The following BRF1 variants were observed in gnomAD, a reference collection of about 807,000 sequenced individuals.
BRF1 encodes BRF1 general transcription factor IIIB subunit.
In BRF1, 59 loss-of-function variants were observed where a neutral mutation model predicts 81.7. The ratio of observed to expected loss-of-function variants is 0.72; its 90% CI spans 0.59 to 0.90. The LOEUF is 0.90. BRF1 is among the 40% of genes least tolerant of loss of function. BRF1 has a pLI of 0.00. For missense variants in BRF1, 1,050 were observed against 936.3 expected (o/e 1.12, Z -1.58); for synonymous variants, 491 against 395.6 (o/e 1.24, Z -2.86).
intron 1 of BRF1, among the ~76,000 whole-genome samples, chr14:105,290,488 T>C (rs934279376): frequency 3.3e-5 from 5 of 152,156 alleles, no homozygotes; most frequent in African/African-American, 1.2e-4. Context: ...ACAGCCTCCA[T>C]TATAGCCACG....
chr14:105,249,292 C>A, intron 5 of BRF1: 1 of 1,571,640 alleles, frequency 6.4e-7, no homozygotes. Flanking sequence ...CCGTCCGCCC[C>A]GTCCGCCGTG....
At chr14:105,219,307 C>T (rs768267636) in intron 12 of BRF1, 75 bp from the exon 13 acceptor site, 19 of 1,588,260 alleles carry the variant, frequency 1.2e-5, no homozygotes, top group Non-Finnish European at 1.4e-5. Flanking sequence ...CGCTGGCCAG[C>T]GGGAAGTATT....
intron 5 of BRF1, 74 bp downstream of exon 5, chr14:105,252,432 TG>T: frequency 1.3e-6 from 2 of 1,552,566 alleles, no homozygotes; most frequent in South Asian, 2.4e-5. Context: ...TTCCCTCCAC[TG>T]TTCAAAGGAC....
intron 1 of BRF1, among the ~76,000 whole-genome samples, chr14:105,307,901 A>G (rs2058236084): frequency 6.6e-6 from 1 of 152,338 alleles, no homozygotes; most frequent in South Asian, 2.1e-4. Context: ...GTCAAGGGCC[A>G]GGCCAGGACA....
chr14:105,246,019 C>T (rs1194275529), intron 5 of BRF1, among the ~76,000 whole-genome samples: 1 of 152,138 alleles, frequency 6.6e-6, no homozygotes, highest in African/African-American at 2.4e-5. Context: ...AACCATCTAT[C>T]TCATAAGGGG....
intron 1 of BRF1, among the ~76,000 whole-genome samples, chr14:105,299,858 C>T (rs191417628): frequency 2.7e-4 from 41 of 152,366 alleles, no homozygotes; most frequent in Non-Finnish European, 4.9e-4. Flanking sequence ...CAGCTAAGTT[C>T]CCCAGAGAAA....
intron 3 of BRF1, 32 bp downstream of exon 3, chr14:105,272,689 G>A: frequency 6.4e-7 from 1 of 1,562,608 alleles, no homozygotes; most frequent in African/African-American, 1.4e-5. Flanking sequence ...TCAAGATGGG[G>A]CCCTCTGGGA....
At chr14:105,265,057 T>TTTC (rs2056343413) in intron 3 of BRF1, among the ~76,000 whole-genome samples, 1 of 146,336 alleles carries the variant, frequency 6.8e-6, no homozygotes, top group Non-Finnish European at 1.5e-5. Context: ...TTTTTTTGTT[T>TTTC]TTTTTTTGTT....
chr14:105,247,433 G>A (rs2055195865), intron 5 of BRF1: 1 of 985,434 alleles, frequency 1.0e-6, no homozygotes, highest in Non-Finnish European at 1.2e-6. Context: ...GTCTGTTCAC[G>A]TCCTTTGCCC....
At chr14:105,213,616 C>G (rs1471273436) in intron 15 of BRF1, among the ~76,000 whole-genome samples, 1 of 152,012 alleles carries the variant, frequency 6.6e-6, no homozygotes, top group East Asian at 1.9e-4. Context: ...GCGCTTCCTG[C>G]AGGGACACAC....
At chr14:105,289,928 G>A (rs957202244) in intron 1 of BRF1, among the ~76,000 whole-genome samples, 5 of 151,870 alleles carry the variant, frequency 3.3e-5, no homozygotes, top group African/African-American at 1.2e-4. Context: ...GAGCCACCAC[G>A]CCCCGCCTGT....
Position 105,309,680 on chromosome 14 carries a change from G to A in BRF1, c.-162+5642C>T, listed in dbSNP as rs587760246. ...GCGCTGCCTGCGCCCAACCCAGGAG[G>A]GGAGCAGCGTGCAGGACACCGAGGA... On this transcript the variant is annotated intron_variant, in intron 1 of 17. Coordinates refer to the BRF1 transcript ENST00000327359. The surrounding 1 kb of genome is among the most constrained non-coding windows in gnomAD (Gnocchi z 4.0). Among the ~76,000 whole-genome samples, 10 of 152,338 alleles carry A rather than the reference G, an allele frequency of 6.6e-5. No individual in the cohort carries two copies. The highest frequency in any genetic ancestry group is 2.4e-4 in the African/African-American group (10 of 41,584).
chr14:105,274,225 T>C lies in BRF1; in HGVS notation c.266-1331A>G, dbSNP rs587742028. ...TTATTTGGTTCACATGTTTTCTTGC[T>C]GACCTTCTCCCCACTATCACCCTGC... On this transcript the variant is annotated intron_variant, in intron 2 of 17. Coordinates refer to ENST00000547530, the MANE Select transcript of BRF1 (RefSeq NM_001519.4). 7.9e-5 allele frequency among the ~76,000 whole-genome samples: 12 copies of C among 152,308 alleles called. No individual in the cohort carries two copies. In the South Asian group the frequency reaches 2.1e-3, roughly 26 times the overall value.
Position 105,212,202 on chromosome 14 carries a change from G to A in BRF1, c.1773-38C>T, listed in dbSNP as rs759413665. 21 of 1,595,754 alleles carry A rather than the reference G, an allele frequency of 1.3e-5. No individual in the cohort carries two copies. In the South Asian group the frequency reaches 2.2e-4, roughly 17 times the overall value. ...GCACAGCATGGCGGCCTCAGCCCAG[G>A]CTCCCGAACGCCTGCCCACTTGTTC... On this transcript the variant is annotated intron_variant, in intron 15 of 17. Coordinates refer to ENST00000547530, the MANE Select transcript of BRF1 (RefSeq NM_001519.4).
chr14:105,292,861 C>T (rs4334224), intron 1 of BRF1, among the ~76,000 whole-genome samples: 45,333 of 151,754 alleles, frequency 0.3, 6,974 homozygotes, highest in African/African-American at 0.33. Context: ...TTCCCCAGGC[C>T]CACATCCCCT....
chr14:105,297,299 T>C (rs776859947), intron 1 of BRF1, among the ~76,000 whole-genome samples: 2 of 152,082 alleles, frequency 1.3e-5, no homozygotes, highest in Non-Finnish European at 2.9e-5. Context: ...CTGGGCACAG[T>C]GGCTCCCACC....
upstream of BRF1, among the ~76,000 whole-genome samples, chr14:105,302,253 G>C (rs1776885058): frequency 6.7e-6 from 1 of 150,292 alleles, no homozygotes. Context: ...GCCCAGGCTG[G>C]AGTGCAGTGG....
At chr14:105,282,466 C>G (rs1182374590) in intron 2 of BRF1, among the ~76,000 whole-genome samples, 5 of 152,190 alleles carry the variant, frequency 3.3e-5, no homozygotes, top group African/African-American at 1.2e-4. Flanking sequence ...CCAAACCTGG[C>G]AGGCTGGGTG....
intron 1 of BRF1, among the ~76,000 whole-genome samples, chr14:105,298,956 G>A (rs1041070885): frequency 6.6e-6 from 1 of 151,936 alleles, no homozygotes; most frequent in Non-Finnish European, 1.5e-5. Context: ...GGATCACGAG[G>A]TCAGGAGATC....
Sources: gnomAD v4.1 joint callset for allele counts (sites outside exome capture counted in the v4.1 genomes callset) on GRCh38, gnomAD v4.1.1 for gene constraint, Gnocchi (gnomAD v3.1) non-coding constraint, MANE v1.5 for transcripts, NCBI Gene and HGNC (gene_info 2026-07-23, HGNC 2026-07-21) for gene names.